The following GRIN3A variants were observed in gnomAD, a reference collection of about 807,000 sequenced individuals.
GRIN3A encodes the protein glutamate ionotropic receptor NMDA type subunit 3A, also known as glutamate receptor ionotropic, NMDA 3A.
A neutral mutation model predicts 92.4 loss-of-function variants in GRIN3A; 47 were observed. The ratio of observed to expected loss-of-function variants is 0.51; its 90% CI spans 0.40 to 0.65. The LOEUF (loss-of-function observed/expected upper bound fraction) is 0.65, where lower values mean the gene tolerates loss of function less well. Among genes scored for constraint, GRIN3A ranks in the 30% least tolerant of loss-of-function variants. The probability of loss-of-function intolerance (pLI) is 0.00; values close to 1 mark genes in which losing one functional copy is unlikely to be tolerated. For missense variants in GRIN3A, 1,324 were observed against 1,393.1 expected (o/e 0.95, Z 0.79); for synonymous variants, 527 against 540.6 (o/e 0.97, Z 0.35).
At chr9:101,576,019 TGATGTGGGTACCTATGA>T (rs1827821470) in intron 8 of GRIN3A, among the ~76,000 whole-genome samples, 2 of 152,214 alleles carry the variant, frequency 1.3e-5, no homozygotes, top group Non-Finnish European at 2.9e-5. Context: ...ATCTGATATT[TGATGTGGGTACCTATGA>T]GTGCAAGGTG....
chr9:101,690,042 C>A (rs1296370981), intron 1 of GRIN3A, among the ~76,000 whole-genome samples: 1 of 152,078 alleles, frequency 6.6e-6, no homozygotes, highest in Admixed American at 6.6e-5. Flanking sequence ...CTCTATCATG[C>A]AGATAGAGTG....
At chr9:101,727,840 C>T (rs1257664934) in intron 1 of GRIN3A, among the ~76,000 whole-genome samples, 2 of 149,536 alleles carry the variant, frequency 1.3e-5, no homozygotes, top group East Asian at 3.9e-4. Flanking sequence ...CACTAGATGG[C>T]TCTCTGTGTC....
intron 1 of GRIN3A, among the ~76,000 whole-genome samples, chr9:101,690,599 G>A (rs1184515567): frequency 3.9e-5 from 6 of 152,118 alleles, no homozygotes; most frequent in Non-Finnish European, 8.8e-5. Flanking sequence ...TGCTTAACCC[G>A]CTATGGATCA....
Position 101,600,243 on chromosome 9 carries a change from T to C in GRIN3A, c.2766+13133A>G, listed in dbSNP as rs1200727214. ...ACAGGAATGGTAGAGATTATAATTA[T>C]TGCCTACTTTAGGCTTGCTTAAAAA... is the stretch of plus-strand genomic sequence containing the variant. On this transcript the variant is annotated intron_variant, in intron 6 of 8. Transcript: ENST00000361820. Among the ~76,000 whole-genome samples the C allele has an allele frequency of 3.9e-5, 6 of 152,306 alleles. No individual in the cohort carries two copies. In the East Asian group the frequency reaches 9.7e-4, roughly 25 times the overall value.
chr9:101,693,183 C>G (rs1353692797), intron 1 of GRIN3A, among the ~76,000 whole-genome samples: 1 of 151,306 alleles, frequency 6.6e-6, no homozygotes. Context: ...GGTGGTAGAT[C>G]ACCTGAGGTC....
At chr9:101,606,358 G>C (rs1828281400) in intron 6 of GRIN3A, among the ~76,000 whole-genome samples, 1 of 152,164 alleles carries the variant, frequency 6.6e-6, no homozygotes, top group African/African-American at 2.4e-5. Flanking sequence ...TGCAAGGGTA[G>C]GAGGAGACCA....
In GRIN3A at chr9:101,571,252, A is replaced by G. The variant is rs1469561139; in HGVS notation, c.*1922T>C. ...CTAACTTTAGAGCCCTCCCACATCCATATCAGTATCTCTGAGCCTCCCTCC... is the reference window on the plus strand; with the variant it reads ...CTAACTTTAGAGCCCTCCCACATCCGTATCAGTATCTCTGAGCCTCCCTCC... On this transcript the variant is annotated 3_prime_UTR_variant, in exon 9 of 9. Coordinates refer to ENST00000361820, the MANE Select transcript of GRIN3A (RefSeq NM_133445.3). 1.3e-5 allele frequency: 2 copies of G among 152,132 alleles called. No individual in the cohort carries two copies. Among genetic ancestry groups the G allele is most frequent in the Non-Finnish European group, 2.9e-5 (2 of 68,046 alleles). The allele number at this position is 152,132 out of a possible 1,614,324, so 9.4% of individuals were successfully genotyped here.
At chr9:101,596,186 T>C (rs894384061) in intron 6 of GRIN3A, among the ~76,000 whole-genome samples, 2 of 152,200 alleles carry the variant, frequency 1.3e-5, no homozygotes, top group African/African-American at 4.8e-5. Context: ...AAGATAACCA[T>C]GCTGGAACTA....
At chr9:101,606,967 G>GCCGTATGT (rs11281874) in intron 6 of GRIN3A, among the ~76,000 whole-genome samples, 2 of 136,150 alleles carry the variant, frequency 1.5e-5, no homozygotes, top group South Asian at 4.9e-4. Context: ...TTTATACCCT[G>GCCGTATGT]TTTCCCTAAT....
At chr9:101,597,749 G>A (rs180997352) in intron 6 of GRIN3A, among the ~76,000 whole-genome samples, 78 of 152,274 alleles carry the variant, frequency 5.1e-4, no homozygotes, top group Non-Finnish European at 2.2e-4. Context: ...GTAAGGGGAA[G>A]TACTATTACT....
chr9:101,730,680 C>G (rs185004737), intron 1 of GRIN3A, among the ~76,000 whole-genome samples: 23 of 152,084 alleles, frequency 1.5e-4, no homozygotes, highest in South Asian at 1.2e-3. Flanking sequence ...TTTTCTGGCT[C>G]TCCTCACAAA....
At chr9:101,735,096 T>G (rs2119049520) in intron 1 of GRIN3A, among the ~76,000 whole-genome samples, 1 of 152,024 alleles carries the variant, frequency 6.6e-6, no homozygotes, top group East Asian at 1.9e-4. Context: ...TTACAGTGAC[T>G]TGGCATTGAT....
intron 8 of GRIN3A, among the ~76,000 whole-genome samples, chr9:101,577,135 C>A (rs1436485331): frequency 6.6e-6 from 1 of 152,064 alleles, no homozygotes; most frequent in Non-Finnish European, 1.5e-5. Context: ...TTTGTTATTT[C>A]CTATTAATAA....
chr9:101,725,812 C>A (rs1830076935), intron 1 of GRIN3A, among the ~76,000 whole-genome samples: 1 of 152,148 alleles, frequency 6.6e-6, no homozygotes, highest in Non-Finnish European at 1.5e-5. Context: ...GCCTGGCTTG[C>A]AATGCTCCTT....
intron 1 of GRIN3A, among the ~76,000 whole-genome samples, chr9:101,699,818 C>A (rs1271353622): frequency 6.6e-6 from 1 of 152,126 alleles, no homozygotes; most frequent in African/African-American, 2.4e-5. Context: ...TTCTGATGAC[C>A]TTCAAAGCCA....
At position 101,738,394 on chromosome 9, in the gene GRIN3A, G is replaced by A. The variant is rs75487722; in HGVS notation, c.-415C>T. The A allele has an allele frequency of 8.2e-6, 2 of 244,374 alleles. No individual in the cohort carries two copies. Among genetic ancestry groups the A allele is most frequent in the Admixed American group, 5.8e-5 (1 of 17,334 alleles). The allele number at this position is 244,374 out of a possible 1,614,324, so 15.1% of individuals were successfully genotyped here. A position where few individuals can be genotyped will look rare whatever the true frequency, so the allele number is the denominator to read the frequency against. On this transcript the variant is annotated 5_prime_UTR_variant, in exon 1 of 9. Transcript: ENST00000361820. ...AGTGACAGAGGAGCGACGCGCTCTC[G>A]CCTGGATTCTTTTCCTTTTCTGCCC... is the stretch of plus-strand genomic sequence containing the variant.
In GRIN3A at chr9:101,732,137, G is replaced by A. The variant is rs147429709; in HGVS notation, c.699+5144C>T. Among the ~76,000 whole-genome samples, 477 of 152,276 alleles carry A rather than the reference G, an allele frequency of 3.1e-3. 1 individual carries two copies. The highest frequency in any genetic ancestry group is 0.011 in the African/African-American group (452 of 41,554). ...TCCTAAGAGAGTATACAGTTATCTA[G>A]GGCAATGGGACTCAAAGTAGCTGGT... On this transcript the variant is annotated intron_variant, in intron 1 of 8. Coordinates refer to ENST00000361820, the MANE Select transcript of GRIN3A (RefSeq NM_133445.3).
chr9:101,669,087 T>C (rs1045310281), intron 3 of GRIN3A, among the ~76,000 whole-genome samples: 2 of 152,108 alleles, frequency 1.3e-5, no homozygotes, highest in African/African-American at 4.8e-5. Context: ...TGAACCTTTC[T>C]CCAATCTCTA....
At chr9:101,667,654 G>T (rs1337988321) in intron 3 of GRIN3A, among the ~76,000 whole-genome samples, 1 of 68,948 alleles carries the variant, frequency 1.5e-5, no homozygotes, top group Non-Finnish European at 4.3e-5. Flanking sequence ...GGAGAGAAAA[G>T]CACTCATGTG....
Sources: gnomAD v4.1 joint callset for allele counts (sites outside exome capture counted in the v4.1 genomes callset) on GRCh38, gnomAD v4.1.1 for gene constraint, MANE v1.5 for transcripts, NCBI Gene and HGNC (gene_info 2026-07-23, HGNC 2026-07-21) for gene names.